Variants in HTR1E observed in about 807,000 individuals in gnomAD.
The protein encoded by HTR1E is 5-hydroxytryptamine receptor 1E.
In HTR1E, 3 loss-of-function variants were observed where a neutral mutation model predicts 3.4. The ratio of observed to expected loss-of-function variants is 0.89; its 90% CI spans 0.41 to 2.31. The LOEUF is 2.31. Ranked by LOEUF, HTR1E falls within the 30% of genes most tolerant of loss-of-function variation. HTR1E has a pLI of 0.05. For synonymous variants in HTR1E, 170 were observed against 182.8 expected, an observed-to-expected ratio of 0.93 and a Z score of 0.56; for missense variants, 392 against 467.0, an observed-to-expected ratio of 0.84 and a Z score of 1.48.
rs561194304 is a variant in HTR1E, at chr6:86,938,002, G to C, written c.-186+179G>C. Among the ~76,000 whole-genome samples, 19 of 152,342 alleles carry C rather than the reference G, an allele frequency of 1.2e-4. 1 individual carries two copies. In the East Asian group the frequency reaches 2.7e-3, roughly 22 times the overall value. On this transcript the variant is annotated intron_variant, in intron 1 of 1. Transcript: ENST00000305344. ...CGCCCGGGCACCGTGCCTGCACCCT[G>C]GATTATAGTACAGAGAGCATTTCTT...
intron 1 of HTR1E, among the ~76,000 whole-genome samples, chr6:86,945,722 TTTTG>T (rs1440494572): frequency 6.6e-6 from 1 of 151,648 alleles, no homozygotes; most frequent in African/African-American, 2.4e-5. Flanking sequence ...GGGTTTTTTG[TTTTG>T]TTTTTGTTTT....
chr6:86,998,495 G>T (rs539033904), intron 1 of HTR1E, among the ~76,000 whole-genome samples: 17 of 152,110 alleles, frequency 1.1e-4, no homozygotes, highest in African/African-American at 3.6e-4. Context: ...GTCAAATAAG[G>T]AATCATGAAA....
intron 1 of HTR1E, among the ~76,000 whole-genome samples, chr6:86,969,464 G>A (rs1337001384): frequency 2.0e-5 from 3 of 152,114 alleles, no homozygotes; most frequent in Non-Finnish European, 4.4e-5. Context: ...CTAGCCCAGC[G>A]TAGATTTCTC....
At chr6:86,959,240 T>G (rs1365128377) in intron 1 of HTR1E, among the ~76,000 whole-genome samples, 1 of 151,848 alleles carries the variant, frequency 6.6e-6, no homozygotes, top group Non-Finnish European at 1.5e-5. Context: ...AAGTCCACTT[T>G]GAATTTAAGT....
intron 1 of HTR1E, among the ~76,000 whole-genome samples, chr6:86,986,872 C>A (rs1315246618): frequency 6.6e-6 from 1 of 151,908 alleles, no homozygotes; most frequent in Non-Finnish European, 1.5e-5. Flanking sequence ...AGAAAGTTCA[C>A]GGGGGGTAAG....
At chr6:87,008,277 C>T (rs1768147924) in intron 1 of HTR1E, among the ~76,000 whole-genome samples, 1 of 152,120 alleles carries the variant, frequency 6.6e-6, no homozygotes, top group Admixed American at 6.5e-5. Context: ...AACAGAGTAT[C>T]CACCCTTCCT....
At chr6:87,010,086 G>T (rs535134586) in intron 1 of HTR1E, among the ~76,000 whole-genome samples, 3 of 132,756 alleles carry the variant, frequency 2.3e-5, no homozygotes, top group African/African-American at 8.9e-5. Context: ...CCTCCCGGAC[G>T]GGGTGGCTGG....
chr6:86,938,792 A>G, intron 1 of HTR1E, among the ~76,000 whole-genome samples: 1 of 152,178 alleles, frequency 6.6e-6, no homozygotes, highest in South Asian at 2.1e-4. Context: ...TTCCAAAATA[A>G]TTTAGGCTCA....
At chr6:86,946,333 C>T (rs553436045) in intron 1 of HTR1E, among the ~76,000 whole-genome samples, 34 of 152,290 alleles carry the variant, frequency 2.2e-4, no homozygotes, top group South Asian at 1.7e-3. Context: ...CGTTTAGATA[C>T]ACAAATACTA....
chr6:87,015,984 G>A lies in HTR1E; in HGVS notation c.650G>A (p.Gly217Glu), dbSNP rs1768318589. ...HAAKSLYQKR[G>E]SSRHLSNRST... ...GCCAAGAGCCTTTACCAGAAAAGGG[G>A]ATCAAGTCGGCACTTAAGCAACAGA... Residue 217 changes from glycine to glutamate, a missense_variant, in exon 2 of 2, where the codon GGA becomes GAA. Around this residue, in one of 3 missense-constraint regions of HTR1E, gnomAD observed 178 missense variants for 164.9 expected, o/e 1.08. Transcript: ENST00000305344. 8.7e-6 allele frequency: 14 copies of A among 1,614,214 alleles called. No homozygotes were observed. Among genetic ancestry groups the A allele is most frequent in the African/African-American group, 1.3e-5 (1 of 75,042 alleles).
At chr6:86,987,566 T>G (rs1767807944) in intron 1 of HTR1E, among the ~76,000 whole-genome samples, 1 of 152,154 alleles carries the variant, frequency 6.6e-6, no homozygotes, top group Non-Finnish European at 1.5e-5. Context: ...TATTGAGCAT[T>G]TGAAAATTAG....
intron 1 of HTR1E, among the ~76,000 whole-genome samples, chr6:86,943,419 C>A (rs978237352): frequency 6.6e-6 from 1 of 152,202 alleles, no homozygotes; most frequent in Non-Finnish European, 1.5e-5. Flanking sequence ...ACTCTACGGA[C>A]CTGGGGTCAG....
chr6:86,983,472 C>G (rs141464472), intron 1 of HTR1E, among the ~76,000 whole-genome samples: 2 of 151,968 alleles, frequency 1.3e-5, no homozygotes, highest in Non-Finnish European at 1.5e-5. Flanking sequence ...TATTGAGTCA[C>G]GTGAATATAC....
intron 1 of HTR1E, among the ~76,000 whole-genome samples, chr6:86,967,748 C>A (rs1048232351): frequency 6.6e-6 from 1 of 152,050 alleles, no homozygotes; most frequent in Non-Finnish European, 1.5e-5. Flanking sequence ...TTCTTGTGTT[C>A]AGTGTTTTTT....
intron 1 of HTR1E, among the ~76,000 whole-genome samples, chr6:86,995,988 C>T (rs1767935348): frequency 6.6e-6 from 1 of 151,728 alleles, no homozygotes; most frequent in Admixed American, 6.6e-5. Flanking sequence ...CAAAATTTAA[C>T]AGAACTGCAA....
rs538629314 is a variant in HTR1E at position 86,984,856 on chromosome 6, T to C, written c.-185-30294T>C. On this transcript the variant is annotated intron_variant, in intron 1 of 1. Transcript: ENST00000305344. ...CACTTTTGCTCACATTTCATTGATG[T>C]GAAATAATCATAAAATCAAACTAAG... is the stretch of plus-strand genomic sequence containing the variant. Among the ~76,000 whole-genome samples, 5 of 152,262 alleles carry C rather than the reference T, an allele frequency of 3.3e-5. No homozygotes were observed. In the East Asian group the frequency reaches 9.6e-4, roughly 29 times the overall value.
intron 1 of HTR1E, among the ~76,000 whole-genome samples, chr6:86,985,608 C>T (rs1168762821): frequency 2.0e-5 from 3 of 152,014 alleles, no homozygotes; most frequent in South Asian, 2.1e-4. Context: ...ACTAGGATAG[C>T]GCTAGTCAGC....
chr6:86,976,056 G>A lies in HTR1E; in HGVS notation c.-186+38233G>A, dbSNP rs184347320. The stretch of plus-strand genomic sequence containing the variant: ...TACTAAAAGTACTAATATTTTTCAT[G>A]GAAAACACCGCCTATTGTATTCTGT... On this transcript the variant is annotated intron_variant, in intron 1 of 1. Coordinates refer to ENST00000305344, the MANE Select transcript of HTR1E (RefSeq NM_000865.3). Among the ~76,000 whole-genome samples, 380 of 152,000 alleles carry A rather than the reference G, an allele frequency of 2.5e-3. 1 individual carries two copies. The highest frequency in any genetic ancestry group is 5.4e-3 in the Admixed American group (83 of 15,246).
At chr6:87,010,249 C>A (rs1193510689) in intron 1 of HTR1E, among the ~76,000 whole-genome samples, 1 of 117,674 alleles carries the variant, frequency 8.5e-6, no homozygotes, top group Non-Finnish European at 1.7e-5. Context: ...CCTCACTTCT[C>A]AGTAGGGGCG....
Sources: allele counts gnomAD v4.1 joint callset (sites outside exome capture counted in the v4.1 genomes callset), GRCh38; gene constraint gnomAD v4.1.1; regional missense constraint gnomAD v4.1.1; transcripts MANE v1.5; gene names NCBI Gene and HGNC (gene_info 2026-07-23, HGNC 2026-07-21).